The following FANCE variants were observed in gnomAD, a reference collection of about 807,000 sequenced individuals.
The protein encoded by FANCE is FA complementation group E, also known as Fanconi anemia group E protein.
In FANCE, 42 loss-of-function variants were observed where a neutral mutation model predicts 57.8. The ratio of observed to expected loss-of-function variants is 0.73; its 90% CI spans 0.57 to 0.94. FANCE has a LOEUF of 0.94. Ranked by LOEUF, FANCE falls within the 40% of genes least tolerant of loss-of-function variation. The pLI is 0.00. For missense variants in FANCE, 608 were observed against 661.8 expected (o/e 0.92, Z 0.89); for synonymous variants, 251 against 286.4 (o/e 0.88, Z 1.25).
intron 9 of FANCE, among the ~76,000 whole-genome samples, chr6:35,463,776 C>T (rs1466899046): frequency 6.6e-6 from 1 of 151,850 alleles, no homozygotes; most frequent in Non-Finnish European, 1.5e-5. Context: ...ATTCTCCTGC[C>T]TCAGCCTCCC....
intron 9 of FANCE, among the ~76,000 whole-genome samples, chr6:35,464,783 A>C (rs1256463137): frequency 1.6e-4 from 20 of 125,152 alleles, no homozygotes; most frequent in Non-Finnish European, 3.0e-4. Flanking sequence ...CCCAGGCTGG[A>C]GTGCAGTGCT....
intron 7 of FANCE, 134 bp downstream of exon 7, chr6:35,459,894 C>G: frequency 1.3e-6 from 1 of 746,610 alleles, no homozygotes; most frequent in Non-Finnish European, 2.4e-6. Flanking sequence ...TCACTCCATC[C>G]TCTTTCTCCT....
chr6:35,453,770 T>TC (rs963420884), intron 1 of FANCE, among the ~76,000 whole-genome samples: 8 of 152,200 alleles, frequency 5.3e-5, no homozygotes, highest in African/African-American at 1.9e-4. Context: ...CTTGTCTGAA[T>TC]CCCCAAATTG....
intron 1 of FANCE, 109 bp downstream of exon 1, chr6:35,452,902 C>T (rs1561787355): frequency 8.7e-7 from 1 of 1,155,742 alleles, no homozygotes; most frequent in South Asian, 3.8e-5. Flanking sequence ...CTGCCGCGCA[C>T]CCTATGAGCA....
At chr6:35,459,208 A>G in intron 5 of FANCE, 123 bp from the exon 6 acceptor site, 1 of 1,323,154 alleles carries the variant, frequency 7.6e-7, no homozygotes. Flanking sequence ...TGTGAGTTCT[A>G]AATAAAAGAA....
At position 35,452,555 on chromosome 6, in the gene FANCE, C is replaced by T; in HGVS notation, c.10C>T (p.Pro4Ser). The T allele has an allele frequency of 2.3e-6, 3 of 1,327,690 alleles. No homozygotes were observed. The highest frequency in any genetic ancestry group is 2.9e-6 in the Non-Finnish European group (3 of 1,034,426). 82.2% of individuals were successfully genotyped at this position (1,327,690 alleles called of 1,614,324 possible). Residue 4 changes from proline (P) to serine (S), a missense_variant, in exon 1 of 10, where the codon CCG (proline) becomes TCG (serine). By Grantham distance (74) the Pro-to-Ser change is moderately conservative. Coordinates refer to ENST00000229769, the MANE Select transcript of FANCE (RefSeq NM_021922.3). Reference sequence around the variant, plus strand: ...GCACCCGTGCCCCGGCATGGCGACACCGGACGCGGGGCTCCCTGGGGCTGA... The same window carrying T: ...GCACCCGTGCCCCGGCATGGCGACATCGGACGCGGGGCTCCCTGGGGCTGA... MAT[P>S]DAGLPGAEGV...
chr6:35,452,393 C>T lies in FANCE; in HGVS notation c.-153C>T. ...GCGGCTTCGGGCGGCCGGGTTTCTC[C>T]GGTCTCCCAACGCCGAGGAGAGCTT... is the stretch of plus-strand genomic sequence containing the variant. On this transcript the variant is annotated 5_prime_UTR_variant, in exon 1 of 10. Coordinates refer to ENST00000229769, the MANE Select transcript of FANCE (RefSeq NM_021922.3). The T allele has an allele frequency of 1.2e-6, 1 of 845,224 alleles. No homozygotes were observed. Among genetic ancestry groups the T allele is most frequent in the Non-Finnish European group, 1.5e-6 (1 of 645,522 alleles). 52.4% of individuals were successfully genotyped at this position (845,224 alleles called of 1,614,324 possible). A position where few individuals can be genotyped will look rare whatever the true frequency, so the allele number is the denominator to read the frequency against.
intron 2 of FANCE, 146 bp from the exon 3 acceptor site, chr6:35,457,410 C>T (rs1767388887): frequency 3.7e-6 from 3 of 802,658 alleles, no homozygotes; most frequent in East Asian, 2.6e-5. Context: ...TGTGAGCCAC[C>T]GCGCTTGGCC....
chr6:35,453,941 G>A (rs1767214696), intron 1 of FANCE, among the ~76,000 whole-genome samples: 1 of 152,182 alleles, frequency 6.6e-6, no homozygotes, highest in South Asian at 2.1e-4. Flanking sequence ...CACTCATTCT[G>A]ATCACAGGTC....
rs756617782 is a variant in FANCE, at chr6:35,456,130, C to T, written c.632C>T (p.Pro211Leu). Residue 211 changes from proline (P) to leucine (L), a missense_variant, in exon 2 of 10, where the codon CCT becomes CTT. Transcript: ENST00000229769. This position sits in a 1 kb window ranked among gnomAD's most constrained non-coding sequence, Gnocchi z 4.3. ...RKDSEEEAAS[P>L]EGKRVPKRLR... is the part of the protein sequence containing the mutation. ...GACTCAGAGGAAGAGGCTGCCAGTC[C>T]TGAGGGGAAGAGGGTCCCCAAAAGA... is the stretch of plus-strand genomic sequence containing the variant. 1 of 1,614,014 alleles carries T rather than the reference C, an allele frequency of 6.2e-7. No individual in the cohort carries two copies. The highest frequency in any genetic ancestry group is 1.7e-5 in the Admixed American group (1 of 60,014).
rs911947663 is a variant in FANCE, at chr6:35,452,379, C to A, written c.-167C>A. 6 of 701,610 alleles carry A rather than the reference C, an allele frequency of 8.6e-6. No individual in the cohort carries two copies. Among genetic ancestry groups the A allele is most frequent in the Non-Finnish European group, 1.2e-5 (6 of 515,082 alleles). The allele number at this position is 701,610 out of a possible 1,614,324, so 43.5% of individuals were successfully genotyped here. On this transcript the variant is annotated 5_prime_UTR_variant, in exon 1 of 10. Coordinates refer to ENST00000229769, the MANE Select transcript of FANCE (RefSeq NM_021922.3). ...GCGCGGGAACGGCTGCGGCTTCGGG[C>A]GGCCGGGTTTCTCCGGTCTCCCAAC...
At position 35,459,647 on chromosome 6, in the gene FANCE, C is replaced by A. The variant is rs45571538; in HGVS notation, c.1238-35C>A. On this transcript the variant is annotated intron_variant, in intron 6 of 9. Coordinates refer to ENST00000229769, the MANE Select transcript of FANCE (RefSeq NM_021922.3). ...GCTTTCTGCTGTCTTCTGCCATTTC[C>A]CCCCAGACTTCCCCTTCTGCTGTCC... The A allele has an allele frequency of 4.8e-4, 778 of 1,607,180 alleles. 5 individuals carry two copies. In the East Asian group the frequency reaches 0.012, roughly 25 times the overall value.
At chr6:35,460,142 G>A (rs867682089) in intron 7 of FANCE, among the ~76,000 whole-genome samples, 30 of 149,332 alleles carry the variant, frequency 2.0e-4, no homozygotes, top group Middle Eastern at 3.4e-3. Context: ...TGGGGACGGA[G>A]TCTTGCCCTG....
At position 35,452,703 on chromosome 6, in the gene FANCE, G is replaced by C; in HGVS notation, c.158G>C (p.Arg53Pro). The change falls in exon 1 of 10, where the codon CGC (arginine) becomes CCC (proline). Residue 53 changes from arginine to proline, a missense_variant. Transcript: ENST00000229769. ...GGGGTGCTCCGGGCGCTGGGCAGCC[G>C]CGGCTGGGAGCCCTTCGACTGGGGT... is the stretch of plus-strand genomic sequence containing the variant. Reference protein sequence around the residue: ...GLGVLRALGSRGWEPFDWGRL... With the variant: ...GLGVLRALGSPGWEPFDWGRL... 1 of 1,240,808 alleles carries C rather than the reference G, an allele frequency of 8.1e-7. No homozygotes were observed. The highest frequency in any genetic ancestry group is 3.1e-4 in the Middle Eastern group (1 of 3,232). 76.9% of individuals were successfully genotyped at this position (1,240,808 alleles called of 1,614,324 possible). A position where few individuals can be genotyped will look rare whatever the true frequency, so the allele number is the denominator to read the frequency against.
chr6:35,466,383 C>T lies in FANCE; in HGVS notation c.*38C>T. ...GGACCACCCTCTTGGTGCTCCATCA[C>T]CAGCTTCCTGAAGGGCATTTCTTTC... On this transcript the variant is annotated 3_prime_UTR_variant, in exon 10 of 10. Transcript: ENST00000229769. The T allele has an allele frequency of 7.8e-7, 1 of 1,287,812 alleles. No homozygotes were observed. Among genetic ancestry groups the T allele is most frequent in the South Asian group, 1.2e-5 (1 of 84,516 alleles). 79.8% of individuals were successfully genotyped at this position (1,287,812 alleles called of 1,614,324 possible). A position where few individuals can be genotyped will look rare whatever the true frequency, so the allele number is the denominator to read the frequency against.
chr6:35,457,916 G>A lies in FANCE; in HGVS notation c.901G>A (p.Gly301Arg). 6.2e-7 allele frequency: 1 copy of A among 1,613,912 alleles called. No homozygotes were observed. The highest frequency in any genetic ancestry group is 8.5e-7 in the Non-Finnish European group (1 of 1,179,850). Residue 301 changes from glycine (G) to arginine (R), a missense_variant and splice_region_variant, in exon 4 of 10, where the codon GGG (glycine) becomes AGG (arginine). By Grantham distance (125) the Gly-to-Arg change is moderately radical. Coordinates refer to ENST00000229769, the MANE Select transcript of FANCE (RefSeq NM_021922.3). ...LQQLLKTLEE[G>R]LEGLEDAPPV... ...CCTAACATGAGATTTGTCTCCCCAGGGGTTAGAGGGATTGGAGGATGCCCC... is the reference window on the plus strand; with the variant it reads ...CCTAACATGAGATTTGTCTCCCCAGAGGTTAGAGGGATTGGAGGATGCCCC...
chr6:35,460,190 A>G (rs1321354043), intron 7 of FANCE, among the ~76,000 whole-genome samples: 1 of 151,980 alleles, frequency 6.6e-6, no homozygotes, highest in Non-Finnish European at 1.5e-5. Flanking sequence ...GTCTTGGCTC[A>G]CTGCAGCCTC....
At position 35,464,908 on chromosome 6, in the gene FANCE, G is replaced by T. The variant is rs565227337; in HGVS notation, c.1510-1336G>T. ...CCAGCACGCATGGCTAATTTTTTTTGTATTTTTAGTAGAGACGGGGTTTCA... is the reference window on the plus strand; with the variant it reads ...CCAGCACGCATGGCTAATTTTTTTTTTATTTTTAGTAGAGACGGGGTTTCA... On this transcript the variant is annotated intron_variant, in intron 9 of 9. Transcript: ENST00000229769. 6.6e-4 allele frequency among the ~76,000 whole-genome samples: 99 copies of T among 150,034 alleles called. 1 individual carries two copies. In the South Asian group the frequency reaches 7.4e-3, roughly 11 times the overall value.
rs1767307747 is a variant in FANCE at position 35,455,860 on chromosome 6, C to T, written c.362C>T (p.Ala121Val). ...ESGLLSVLQIAQQDLAPDPDA... is the reference protein window; with the variant it reads ...ESGLLSVLQIVQQDLAPDPDA... ...GGGCTCCTCTCTGTGCTGCAGATTG[C>T]CCAGCAGGACCTAGCCCCTGACCCA... The change falls in exon 2 of 10, where the codon GCC (alanine) becomes GTC (valine). Residue 121 changes from alanine (A) to valine (V), a missense_variant. By Grantham distance (64) the Ala-to-Val change is moderately conservative. Coordinates refer to ENST00000229769, the MANE Select transcript of FANCE (RefSeq NM_021922.3). 6.2e-7 allele frequency: 1 copy of T among 1,614,190 alleles called. No homozygotes were observed. The highest frequency in any genetic ancestry group is 8.5e-7 in the Non-Finnish European group (1 of 1,180,044).
Sources: allele counts gnomAD v4.1 joint callset (sites outside exome capture counted in the v4.1 genomes callset), GRCh38; gene constraint gnomAD v4.1.1; non-coding constraint Gnocchi (gnomAD v3.1); transcripts MANE v1.5; gene names NCBI Gene and HGNC (gene_info 2026-07-23, HGNC 2026-07-21).